Variants in SMCHD1 observed in about 807,000 individuals in gnomAD.
SMCHD1 encodes structural maintenance of chromosomes flexible hinge domain containing 1, also known as structural maintenance of chromosomes flexible hinge domain-containing protein 1.
Under a neutral mutation model 254.7 loss-of-function variants are expected in SMCHD1, and 78 were observed. The observed-to-expected ratio is 0.31, with a 90% CI of 0.26 to 0.37. The LOEUF is 0.37. Ranked by LOEUF, SMCHD1 falls within the 10% of genes least tolerant of loss-of-function variation. The pLI is 1.00. For missense variants in SMCHD1, 1,840 were observed against 2,408.1 expected (o/e 0.76, Z 4.94); for synonymous variants, 766 against 794.9 (o/e 0.96, Z 0.61).
chr18:2,658,420 A>G (rs1004000400), intron 1 of SMCHD1, among the ~76,000 whole-genome samples: 5 of 152,212 alleles, frequency 3.3e-5, no homozygotes, highest in African/African-American at 1.2e-4. Context: ...TCATTCTGTT[A>G]TACTACTCAA....
rs751233003 is a variant in SMCHD1 at position 2,762,140 on chromosome 18, G to A, written c.4470G>A (p.Lys1490=). The change falls in exon 36 of 48, where the codon AAG becomes AAA. Residue 1490 remains lysine, a synonymous_variant. Coordinates refer to ENST00000320876, the MANE Select transcript of SMCHD1 (RefSeq NM_015295.3). ...AAGTCCTGCCTAATCAACCTGTGAA[G>A]TTAGTACCTAAAATTAAACCACCTA... The part of the protein sequence containing the change: ...IVEVLPNQPV[K]LVPKIKPPTP... 8.7e-6 allele frequency: 14 copies of A among 1,613,486 alleles called. No homozygotes were observed. The highest frequency in any genetic ancestry group is 1.6e-4 in the Middle Eastern group (1 of 6,082).
chr18:2,802,431 G>A, intron 47 of SMCHD1, 97 bp from the exon 48 acceptor site: 1 of 840,488 alleles, frequency 1.2e-6, no homozygotes, highest in Non-Finnish European at 1.9e-6. Context: ...AAAGAATATG[G>A]TTTCATTGGA....
In SMCHD1 at chr18:2,703,827, C is replaced by G; in HGVS notation, c.1783C>G (p.Pro595Ala). 1 of 1,612,732 alleles carries G rather than the reference C, an allele frequency of 6.2e-7. No individual in the cohort carries two copies. Among genetic ancestry groups the G allele is most frequent in the Non-Finnish European group, 8.5e-7 (1 of 1,179,246 alleles). ...RPDLPSKKQG[P>A]WATYAAIEWD... ...TGATCTTCCTTCTAAAAAGCAAGGT[C>G]CCTGGGCAACATATGCAGCAATAGA... Residue 595 changes from proline (P) to alanine (A), a missense_variant, in exon 13 of 48, where the codon CCC (proline) becomes GCC (alanine). Pro to Ala is a conservative substitution (Grantham distance 27). Around this residue, in one of 9 missense-constraint regions of SMCHD1, gnomAD observed 498 missense variants for 743.5 expected, o/e 0.67. Transcript: ENST00000320876.
intron 29 of SMCHD1, among the ~76,000 whole-genome samples, chr18:2,746,076 A>G (rs754659974): frequency 5.3e-5 from 8 of 152,156 alleles, no homozygotes; most frequent in Non-Finnish European, 1.0e-4. Flanking sequence ...TAATCCCAAC[A>G]CTTTGGGAGA....
chr18:2,764,753 G>A (rs145786836), intron 37 of SMCHD1, among the ~76,000 whole-genome samples: 10 of 152,218 alleles, frequency 6.6e-5, no homozygotes, highest in Admixed American at 4.6e-4. Context: ...ATGCAAATAC[G>A]ACACCATTTT....
intron 5 of SMCHD1, among the ~76,000 whole-genome samples, chr18:2,678,389 C>T (rs780333790): frequency 9.2e-5 from 14 of 151,698 alleles, no homozygotes; most frequent in Non-Finnish European, 1.2e-4. Flanking sequence ...CAGCCTCCAC[C>T]TCCTGGGTTC....
chr18:2,697,241 A>G (rs1320153897), intron 9 of SMCHD1, 119 bp downstream of exon 9: 3 of 519,882 alleles, frequency 5.8e-6, no homozygotes, highest in East Asian at 3.3e-5. Context: ...CTTGTTTTTT[A>G]CCAAACTACT....
chr18:2,662,667 C>CAAAAAAAAAAAAAAAAAAAAAAAAA (rs745838636), intron 1 of SMCHD1, among the ~76,000 whole-genome samples: 19 of 35,614 alleles, frequency 5.3e-4, no homozygotes, highest in South Asian at 1.5e-3. Context: ...AACAAAAAAC[C>CAAAAAAAAAAAAAAAAAAAAAAAAA]AAAAAAAAAA....
At chr18:2,784,019 C>A (rs982204639) in intron 44 of SMCHD1, among the ~76,000 whole-genome samples, 1 of 152,170 alleles carries the variant, frequency 6.6e-6, no homozygotes, top group African/African-American at 2.4e-5. Flanking sequence ...AAGAGTCAGT[C>A]TAGTGCTTTC....
rs2076259086 is a variant in SMCHD1, at chr18:2,796,114, C to G, written c.5878+7C>G. ...CTAATAGAGGAAAAACTAGGTAAGT[C>G]TTTGCTTTTTGTTAACTTCTACTTT... On this transcript the variant is annotated splice_region_variant and intron_variant, in intron 46 of 47. Coordinates refer to ENST00000320876, the MANE Select transcript of SMCHD1 (RefSeq NM_015295.3). 1 of 1,526,330 alleles carries G rather than the reference C, an allele frequency of 6.6e-7. No individual in the cohort carries two copies. The highest frequency in any genetic ancestry group is 1.4e-5 in the African/African-American group (1 of 71,468). The allele number at this position is 1,526,330 out of a possible 1,614,324, so 94.5% of individuals were successfully genotyped here. A position where few individuals can be genotyped will look rare whatever the true frequency, so the allele number is the denominator to read the frequency against.
At chr18:2,725,314 T>C (rs189780320) in intron 21 of SMCHD1, among the ~76,000 whole-genome samples, 160 of 151,648 alleles carry the variant, frequency 1.1e-3, no homozygotes, top group African/African-American at 3.2e-3. Flanking sequence ...TTTTTTTTTT[T>C]CTCTCTCCTA....
At chr18:2,770,221 A>C (rs1203254768) in intron 39 of SMCHD1, 113 bp downstream of exon 39, 3 of 1,090,928 alleles carry the variant, frequency 2.7e-6, no homozygotes, top group Non-Finnish European at 3.8e-6. Context: ...AAAATACAGA[A>C]TGTTTCAGAA....
At chr18:2,754,385 G>T (rs1596167) in intron 34 of SMCHD1, among the ~76,000 whole-genome samples, 30,887 of 152,132 alleles carry the variant, frequency 0.2, 3,376 homozygotes, top group South Asian at 0.33. Context: ...AGTGAAATGA[G>T]CAAGGTAAAA....
At chr18:2,695,387 G>T (rs2074265039) in intron 8 of SMCHD1, among the ~76,000 whole-genome samples, 1 of 149,742 alleles carries the variant, frequency 6.7e-6, no homozygotes, top group Non-Finnish European at 1.5e-5. Flanking sequence ...TTGGCTCACT[G>T]CAACCACCAC....
intron 25 of SMCHD1, among the ~76,000 whole-genome samples, chr18:2,737,678 A>G (rs1448071327): frequency 6.6e-6 from 1 of 152,168 alleles, no homozygotes; most frequent in Non-Finnish European, 1.5e-5. Flanking sequence ...TTGCACTCCA[A>G]CCTGGGCTAC....
chr18:2,779,091 A>C (rs1482012301), intron 44 of SMCHD1: 1 of 152,246 alleles, frequency 6.6e-6, no homozygotes, highest in Admixed American at 6.5e-5. Flanking sequence ...ATAGTGGAGC[A>C]CAGTTTAGCC....
intron 5 of SMCHD1, among the ~76,000 whole-genome samples, chr18:2,681,564 G>A (rs2073927296): frequency 7.3e-6 from 1 of 137,850 alleles, no homozygotes; most frequent in Admixed American, 8.1e-5. Flanking sequence ...CAGCCTGGGC[G>A]ACTGAGTGAG....
chr18:2,785,513 G>C (rs1417950720), intron 45 of SMCHD1, among the ~76,000 whole-genome samples: 3 of 151,730 alleles, frequency 2.0e-5, no homozygotes, highest in African/African-American at 7.3e-5. Context: ...TTAGCTGGGC[G>C]TGGTGACACG....
rs1279736167 is a variant in SMCHD1 at position 2,722,522 on chromosome 18, G to A, written c.2462G>A (p.Gly821Asp). Reference sequence around the variant, plus strand: ...TTCATTTTTGTTTTTGTTAAAGAGGGTAAGCCAGAGAAATTTTCATTTGGT... The same window carrying A: ...TTCATTTTTGTTTTTGTTAAAGAGGATAAGCCAGAGAAATTTTCATTTGGT... ...SKAIKFSVKE[G>D]KPEKFSFGLL... The change falls in exon 20 of 48, where the codon GGT (glycine) becomes GAT (aspartate). Residue 821 changes from glycine to aspartate, a missense_variant. By Grantham distance (94) the Gly-to-Asp change is moderately conservative. Coordinates refer to ENST00000320876, the MANE Select transcript of SMCHD1 (RefSeq NM_015295.3). 5 of 1,611,238 alleles carry A rather than the reference G, an allele frequency of 3.1e-6. No homozygotes were observed. The highest frequency in any genetic ancestry group is 1.7e-6 in the Non-Finnish European group (2 of 1,178,918).
Sources: gnomAD v4.1 joint callset for allele counts (sites outside exome capture counted in the v4.1 genomes callset) on GRCh38, gnomAD v4.1.1 for gene constraint, gnomAD v4.1.1 regional missense constraint, MANE v1.5 for transcripts, NCBI Gene and HGNC (gene_info 2026-07-23, HGNC 2026-07-21) for gene names.